The following LYRM4 variants were observed in gnomAD, a reference collection of about 807,000 sequenced individuals.
LYRM4 encodes LYR motif-containing protein 4.
In LYRM4, 9 loss-of-function variants were observed where a neutral mutation model predicts 11.7. The observed-to-expected ratio is 0.77, with a 90% CI of 0.46 to 1.34. The LOEUF is 1.34. Among genes scored for constraint, LYRM4 ranks in the 40% most tolerant of loss-of-function variants. The pLI is 0.00. For missense variants in LYRM4, 133 were observed against 112.5 expected (o/e 1.18, Z -0.82); for synonymous variants, 42 against 40.4 (o/e 1.04, Z -0.15).
At chr6:5,257,414 T>C (rs1316704803) in intron 1 of LYRM4, among the ~76,000 whole-genome samples, 1 of 152,208 alleles carries the variant, frequency 6.6e-6, no homozygotes, top group East Asian at 1.9e-4. Flanking sequence ...ACCCAGTCTG[T>C]GACAACTATC....
chr6:5,086,894 C>G, the LYRM4 span: 1 of 360,916 alleles, frequency 2.8e-6, no homozygotes, highest in African/African-American at 2.1e-5. Flanking sequence ...GAAAAAGGCT[C>G]CCAACTCCCG....
At chr6:5,161,000 A>G (rs1463474500) in intron 2 of LYRM4, among the ~76,000 whole-genome samples, 1 of 152,198 alleles carries the variant, frequency 6.6e-6, no homozygotes, top group Non-Finnish European at 1.5e-5. Flanking sequence ...TCCTTTTCCC[A>G]CTAGACAAAT....
intron 2 of LYRM4, among the ~76,000 whole-genome samples, chr6:5,120,602 CTTAT>C (rs1736189332): frequency 6.6e-6 from 1 of 152,186 alleles, no homozygotes; most frequent in South Asian, 2.1e-4. Flanking sequence ...CTTTTATTCC[CTTAT>C]TTGTCTCTGC....
chr6:5,231,956 T>A (rs940813003), intron 1 of LYRM4, among the ~76,000 whole-genome samples: 2 of 152,220 alleles, frequency 1.3e-5, no homozygotes, highest in African/African-American at 2.4e-5. Flanking sequence ...ATTTTTACTT[T>A]AAAGAACTTG....
the LYRM4 span, among the ~76,000 whole-genome samples, chr6:5,049,776 T>C: frequency 0.66 from 99,574 of 151,782 alleles, 35,257 homozygotes; most frequent in East Asian, 0.86. Context: ...TTCAAACGAT[T>C]CTCCTGTCTC....
At chr6:5,218,516 T>A (rs1762407097) in intron 1 of LYRM4, 4 of 300,858 alleles carry the variant, frequency 1.3e-5, no homozygotes, top group Non-Finnish European at 2.0e-5. Flanking sequence ...AGAGTAAAAC[T>A]AAATCTTATG....
chr6:5,201,904 C>A (rs561726646), intron 2 of LYRM4, among the ~76,000 whole-genome samples: 4 of 152,186 alleles, frequency 2.6e-5, no homozygotes, highest in African/African-American at 9.7e-5. Flanking sequence ...TTACTGGCTG[C>A]GGAGTCTTAA....
In LYRM4 at chr6:5,144,189, C is replaced by G. The variant is rs1260738583; in HGVS notation, c.208-34698G>C. On this transcript the variant is annotated intron_variant, in intron 2 of 2. Transcript: ENST00000330636. Reference sequence around the variant, plus strand: ...TGTCAGGTGGTTTCCTCAAGGCCAACTTGTGCAGGGCTTCCCCAGGCTCCG... The same window carrying G: ...TGTCAGGTGGTTTCCTCAAGGCCAAGTTGTGCAGGGCTTCCCCAGGCTCCG... The G allele has an allele frequency of 3.9e-6, 6 of 1,536,902 alleles. No individual in the cohort carries two copies. The highest frequency in any genetic ancestry group is 5.2e-6 in the Non-Finnish European group (6 of 1,146,906).
chr6:5,044,078 C>A, the LYRM4 span, among the ~76,000 whole-genome samples: 1 of 151,764 alleles, frequency 6.6e-6, no homozygotes, highest in South Asian at 2.1e-4. Context: ...CCTTAGTATA[C>A]CTCAAATTTT....
At chr6:5,102,321 G>A (rs1447371727), downstream of LYRM4, among the ~76,000 whole-genome samples, 1 of 152,126 alleles carries the variant, frequency 6.6e-6, no homozygotes. Flanking sequence ...AAGACTCTTA[G>A]CCTCAGCATT....
the LYRM4 span, among the ~76,000 whole-genome samples, chr6:5,057,928 T>A: frequency 6.6e-6 from 1 of 152,020 alleles, no homozygotes; most frequent in Non-Finnish European, 1.5e-5. Flanking sequence ...TAATTCTTAT[T>A]TTTTGTAGAG....
intron 2 of LYRM4, among the ~76,000 whole-genome samples, chr6:5,162,108 G>C (rs1484286138): frequency 6.6e-6 from 1 of 152,122 alleles, no homozygotes; most frequent in African/African-American, 2.4e-5. Flanking sequence ...GGTGAGCATG[G>C]CATTTCAGCT....
chr6:5,093,114 C>T, the LYRM4 span, among the ~76,000 whole-genome samples: 3 of 152,166 alleles, frequency 2.0e-5, no homozygotes, highest in Non-Finnish European at 2.9e-5. Flanking sequence ...ACCCGCAACC[C>T]CTCCCAAAAA....
the LYRM4 span, among the ~76,000 whole-genome samples, chr6:5,096,743 C>G: frequency 3.3e-5 from 5 of 152,320 alleles, no homozygotes; most frequent in African/African-American, 1.2e-4. Context: ...TTGTTGTGAG[C>G]ACTGAGGGAA....
chr6:5,221,654 T>C (rs1762591301), intron 1 of LYRM4, among the ~76,000 whole-genome samples: 1 of 152,260 alleles, frequency 6.6e-6, no homozygotes, highest in Non-Finnish European at 1.5e-5. Flanking sequence ...ATCGCGCCAC[T>C]GCACTCCAGC....
At chr6:5,051,562 G>C in the LYRM4 span, among the ~76,000 whole-genome samples, 8,865 of 152,170 alleles carry the variant, frequency 0.058, 850 homozygotes, top group African/African-American at 0.2. Context: ...CAAAACAAAA[G>C]TGTTGACCAA....
intron 2 of LYRM4, among the ~76,000 whole-genome samples, chr6:5,154,042 A>AT (rs1758243705): frequency 6.6e-6 from 1 of 152,208 alleles, no homozygotes; most frequent in East Asian, 1.9e-4. Flanking sequence ...CTACGGAAAC[A>AT]TTTTTTTACC....
chr6:5,160,711 C>T (rs528732077), intron 2 of LYRM4, among the ~76,000 whole-genome samples: 2 of 151,920 alleles, frequency 1.3e-5, no homozygotes, highest in African/African-American at 4.8e-5. Context: ...TTAGAAGTTA[C>T]TCAGTCTTGG....
intron 2 of LYRM4, among the ~76,000 whole-genome samples, chr6:5,167,144 T>G (rs896009564): frequency 6.6e-6 from 1 of 152,232 alleles, no homozygotes; most frequent in Non-Finnish European, 1.5e-5. Context: ...TAGATACCTT[T>G]TTCCCGTAAG....
Sources: allele counts gnomAD v4.1 joint callset (sites outside exome capture counted in the v4.1 genomes callset), GRCh38; gene constraint gnomAD v4.1.1; transcripts MANE v1.5; gene names NCBI Gene and HGNC (gene_info 2026-07-23, HGNC 2026-07-21).